The following CLSTN2 variants were observed in gnomAD, a reference collection of about 807,000 sequenced individuals.
CLSTN2 encodes the protein calsyntenin 2.
In CLSTN2, 48 loss-of-function variants were observed where a neutral mutation model predicts 101.2. The observed-to-expected ratio is 0.47, with a 90% CI of 0.38 to 0.60. The LOEUF is 0.60. CLSTN2 is among the 20% of genes least tolerant of loss of function. The pLI, the probability that CLSTN2 is intolerant of heterozygous loss-of-function variation, is 0.00. For synonymous variants in CLSTN2, 481 were observed against 463.6 expected (o/e 1.04, Z -0.48); for missense variants, 1,160 against 1,238.2 (o/e 0.94, Z 0.95).
intron 1 of CLSTN2, among the ~76,000 whole-genome samples, chr3:139,952,681 G>A (rs1935314350): frequency 6.6e-6 from 1 of 152,138 alleles, no homozygotes; most frequent in Admixed American, 6.5e-5. Flanking sequence ...TGGTGTTCTT[G>A]CATCTCTTTG....
chr3:140,392,256 T>C (rs904909696), intron 2 of CLSTN2, among the ~76,000 whole-genome samples: 1 of 151,370 alleles, frequency 6.6e-6, no homozygotes, highest in Non-Finnish European at 1.5e-5. Context: ...CAGTAATATA[T>C]GTTGTTTAAC....
At chr3:140,403,522 A>C in intron 2 of CLSTN2, 107 bp from the exon 3 acceptor site, 1 of 939,474 alleles carries the variant, frequency 1.1e-6, no homozygotes, top group Non-Finnish European at 1.6e-6. Flanking sequence ...TGTGCGTGGA[A>C]GAAATTGCAT....
chr3:140,338,898 A>T (rs2087466870), intron 2 of CLSTN2, among the ~76,000 whole-genome samples: 1 of 152,160 alleles, frequency 6.6e-6, no homozygotes, highest in South Asian at 2.1e-4. Flanking sequence ...CTGTGTTTGT[A>T]GACACCGGGG....
At chr3:139,951,765 G>C (rs1039475162) in intron 1 of CLSTN2, among the ~76,000 whole-genome samples, 1 of 152,118 alleles carries the variant, frequency 6.6e-6, no homozygotes. Flanking sequence ...AATCATGGTA[G>C]GGAGCAAAAA....
At chr3:139,972,081 C>T (rs6798435) in intron 1 of CLSTN2, among the ~76,000 whole-genome samples, 5,281 of 152,090 alleles carry the variant, frequency 0.035, 339 homozygotes, top group African/African-American at 0.12. Context: ...ATGGCTAACA[C>T]GGTGAGACCC....
chr3:139,959,634 G>T (rs931071129), intron 1 of CLSTN2, among the ~76,000 whole-genome samples: 11 of 151,850 alleles, frequency 7.2e-5, no homozygotes, highest in African/African-American at 2.7e-4. Context: ...CTTTCCTTTT[G>T]CTCCTTAAAT....
intron 8 of CLSTN2, chr3:140,508,507 C>A (rs1281670365): frequency 2.6e-5 from 4 of 152,184 alleles, no homozygotes; most frequent in East Asian, 1.9e-4. Context: ...GTGTTAGAAC[C>A]CATAGGATGG....
intron 1 of CLSTN2, among the ~76,000 whole-genome samples, chr3:140,045,648 G>T (rs1015652988): frequency 6.6e-6 from 1 of 151,998 alleles, no homozygotes; most frequent in South Asian, 2.1e-4. Context: ...TTCTCTTGTG[G>T]GCATTTAATG....
At chr3:140,427,972 C>T (rs557064002) in intron 5 of CLSTN2, among the ~76,000 whole-genome samples, 47 of 152,238 alleles carry the variant, frequency 3.1e-4, no homozygotes, top group African/African-American at 1.1e-3. Flanking sequence ...ACCTGCATCC[C>T]TTTGTGGACC....
intron 5 of CLSTN2, among the ~76,000 whole-genome samples, chr3:140,447,850 GT>G (rs1287455820): frequency 6.6e-6 from 1 of 152,182 alleles, no homozygotes; most frequent in African/African-American, 2.4e-5. Context: ...TATTGCACAA[GT>G]ACTACAATAA....
chr3:140,262,090 GT>G (rs2086658775), intron 2 of CLSTN2, among the ~76,000 whole-genome samples: 2 of 152,162 alleles, frequency 1.3e-5, no homozygotes, highest in Admixed American at 1.3e-4. Flanking sequence ...CTGAAGCTTA[GT>G]TTTTTGATTT....
chr3:139,995,459 T>TCA (rs1936186261), intron 1 of CLSTN2, among the ~76,000 whole-genome samples: 1 of 152,198 alleles, frequency 6.6e-6, no homozygotes, highest in African/African-American at 2.4e-5. Flanking sequence ...CATGGACTTC[T>TCA]CATCCTTCTT....
chr3:140,163,302 C>T (rs1292163178), intron 1 of CLSTN2, among the ~76,000 whole-genome samples: 1 of 152,040 alleles, frequency 6.6e-6, no homozygotes, highest in Non-Finnish European at 1.5e-5. Context: ...AAAGTTGCCT[C>T]AAGATTGCAG....
At chr3:140,085,238 G>C (rs1265716577) in intron 1 of CLSTN2, among the ~76,000 whole-genome samples, 1 of 152,188 alleles carries the variant, frequency 6.6e-6, no homozygotes, top group Admixed American at 6.5e-5. Context: ...CTGTTGCATT[G>C]CTGCACTGAA....
chr3:140,108,834 C>A (rs2009105293), intron 1 of CLSTN2, among the ~76,000 whole-genome samples: 1 of 152,180 alleles, frequency 6.6e-6, no homozygotes, highest in Admixed American at 6.5e-5. Flanking sequence ...GAAGGAAATT[C>A]TTCAACCAAA....
intron 8 of CLSTN2, among the ~76,000 whole-genome samples, chr3:140,499,545 C>G (rs1934528919): frequency 1.3e-5 from 2 of 152,112 alleles, no homozygotes; most frequent in Admixed American, 1.3e-4. Context: ...GCTGAGCTGC[C>G]CAATGGCCTG....
intron 2 of CLSTN2, among the ~76,000 whole-genome samples, chr3:140,348,077 C>G (rs2087567318): frequency 6.6e-6 from 1 of 152,204 alleles, no homozygotes; most frequent in Non-Finnish European, 1.5e-5. Flanking sequence ...AGTGTTAGCT[C>G]TACCTCCTAG....
intron 1 of CLSTN2, among the ~76,000 whole-genome samples, chr3:140,006,177 T>A (rs182638593): frequency 6.6e-6 from 1 of 152,214 alleles, no homozygotes; most frequent in Non-Finnish European, 1.5e-5. Context: ...AATAAGAATA[T>A]GATATTTATG....
intron 2 of CLSTN2, among the ~76,000 whole-genome samples, chr3:140,364,558 G>A (rs148998976): frequency 1.6e-3 from 239 of 152,202 alleles, no homozygotes; most frequent in African/African-American, 5.5e-3. Context: ...TGTCCAGGGC[G>A]CCAGGAGCAG....
Sources: gnomAD v4.1 joint callset for allele counts (sites outside exome capture counted in the v4.1 genomes callset) on GRCh38, gnomAD v4.1.1 for gene constraint, MANE v1.5 for transcripts, NCBI Gene and HGNC (gene_info 2026-07-23, HGNC 2026-07-21) for gene names.